Variants in ZNF813 observed in about 807,000 individuals in gnomAD.
ZNF813 encodes zinc finger protein 813.
A neutral mutation model predicts 7.2 loss-of-function variants in ZNF813; 3 were observed. The ratio of observed to expected loss-of-function variants is 0.42; its 90% CI spans 0.19 to 1.08. ZNF813 has a LOEUF of 1.08. Among genes scored for constraint, ZNF813 ranks in the 50% least tolerant of loss-of-function variants. The pLI, the probability that ZNF813 is intolerant of heterozygous loss-of-function variation, is 0.30. For synonymous variants in ZNF813, 227 were observed against 256.3 expected, an observed-to-expected ratio of 0.89 and a Z score of 1.09; for missense variants, 714 against 753.3, an observed-to-expected ratio of 0.95 and a Z score of 0.61.
At chr19:53,479,968 A>G (rs2086399739) in intron 1 of ZNF813, 7 of 765,844 alleles carry the variant, frequency 9.1e-6, no homozygotes, top group Non-Finnish European at 1.7e-5. Context: ...TGGCTGAGAG[A>G]TCAGTAGCCA....
At chr19:53,483,577 C>T (rs1428328923) in intron 1 of ZNF813, among the ~76,000 whole-genome samples, 173 bp from the exon 2 acceptor site, 1 of 152,130 alleles carries the variant, frequency 6.6e-6, no homozygotes, top group Non-Finnish European at 1.5e-5. Context: ...TGTGTGTGGG[C>T]TTCTCCGGGA....
chr19:53,487,972 A>T (rs1000450580), intron 3 of ZNF813, among the ~76,000 whole-genome samples: 1 of 152,108 alleles, frequency 6.6e-6, no homozygotes, highest in Non-Finnish European at 1.5e-5. Context: ...TATGAAGAAA[A>T]GGTACACTTA....
intron 1 of ZNF813, among the ~76,000 whole-genome samples, chr19:53,482,341 G>C (rs1451750212): frequency 1.3e-5 from 2 of 152,164 alleles, no homozygotes; most frequent in Non-Finnish European, 2.9e-5. Flanking sequence ...CCCTCCACCA[G>C]CTTCCCGTGT....
intron 1 of ZNF813, among the ~76,000 whole-genome samples, chr19:53,469,753 G>A (rs571938689): frequency 2.7e-5 from 4 of 150,226 alleles, no homozygotes; most frequent in Admixed American, 6.7e-5. Context: ...AGAGGGAGAA[G>A]CACAGCAGGG....
At chr19:53,485,955 A>G (rs891354080) in intron 2 of ZNF813, among the ~76,000 whole-genome samples, 3 of 152,020 alleles carry the variant, frequency 2.0e-5, no homozygotes, top group East Asian at 1.9e-4. Context: ...CCGGAGTGCA[A>G]TGGTGCGATT....
At chr19:53,485,597 A>G (rs575076510) in intron 2 of ZNF813, among the ~76,000 whole-genome samples, 5 of 149,160 alleles carry the variant, frequency 3.4e-5, no homozygotes, top group South Asian at 2.1e-4. Flanking sequence ...TATGTATGTC[A>G]TGATATATAT....
Position 53,490,540 on chromosome 19 carries a change from A to T in ZNF813, c.308A>T (p.Glu103Val). The change falls in exon 4 of 4, where the codon GAA becomes GTA. Residue 103 changes from glutamate to valine, a missense_variant. By Grantham distance (121) the Glu-to-Val change is moderately radical. Coordinates refer to ENST00000396403, the MANE Select transcript of ZNF813 (RefSeq NM_001004301.4). ...CATAACTTAGAGTTTCAGTGGCAAG[A>T]AGATGAAAGAAATAGCCATGAAGCA... ...DIHNLEFQWQ[E>V]DERNSHEAPM... is the part of the protein sequence containing the mutation. 1 of 1,614,204 alleles carries T rather than the reference A, an allele frequency of 6.2e-7. No homozygotes were observed.
Position 53,493,744 on chromosome 19 carries a change from T to C in ZNF813, c.*1658T>C, listed in dbSNP as rs1206832776. The C allele has an allele frequency of 1.3e-5, 2 of 152,220 alleles. No individual in the cohort carries two copies. Among genetic ancestry groups the C allele is most frequent in the Non-Finnish European group, 2.9e-5 (2 of 68,034 alleles). 9.4% of individuals were successfully genotyped at this position (152,220 alleles called of 1,614,324 possible). On this transcript the variant is annotated 3_prime_UTR_variant, in exon 4 of 4. Transcript: ENST00000396403. The stretch of plus-strand genomic sequence containing the variant: ...AGATCATGTCATCTACAAACACATA[T>C]AATTTTACTTCTTTCTTTCTGATTT...
intron 1 of ZNF813, among the ~76,000 whole-genome samples, chr19:53,476,692 C>T (rs938740761): frequency 7.2e-5 from 11 of 151,778 alleles, no homozygotes; most frequent in African/African-American, 1.5e-4. Flanking sequence ...CTCACTCTGT[C>T]GCCGACGCTT....
chr19:53,482,724 T>C (rs200144597), intron 1 of ZNF813, among the ~76,000 whole-genome samples: 1 of 127,408 alleles, frequency 7.8e-6, no homozygotes, highest in Non-Finnish European at 1.6e-5. Context: ...TTTTTTTTTT[T>C]TTTTTTTTTT....
At chr19:53,479,773 A>T in intron 1 of ZNF813, 1 of 1,282,802 alleles carries the variant, frequency 7.8e-7, no homozygotes, top group Non-Finnish European at 1.1e-6. Context: ...TGGAATGCAC[A>T]GAAGAATGAG....
At chr19:53,470,875 A>G (rs140138857) in intron 1 of ZNF813, among the ~76,000 whole-genome samples, 2,172 of 151,922 alleles carry the variant, frequency 0.014, 44 homozygotes, top group African/African-American at 0.05. Context: ...GGCATTTCTC[A>G]TTTTTGTGGC....
At position 53,494,809 on chromosome 19, in the gene ZNF813, G is replaced by A. The variant is rs1250979763; in HGVS notation, c.*2723G>A. On this transcript the variant is annotated 3_prime_UTR_variant, in exon 4 of 4. Transcript: ENST00000396403. ...AGGCCAAGACAGGTGGGTCATGTAA[G>A]CCCAGGTATTCAAGACAAGCCTGGG... is the stretch of plus-strand genomic sequence containing the variant. 1.3e-5 allele frequency: 2 copies of A among 152,202 alleles called. No homozygotes were observed. Among genetic ancestry groups the A allele is most frequent in the Non-Finnish European group, 2.9e-5 (2 of 68,068 alleles). 9.4% of individuals were successfully genotyped at this position (152,202 alleles called of 1,614,324 possible). A position where few individuals can be genotyped will look rare whatever the true frequency, so the allele number is the denominator to read the frequency against.
intron 1 of ZNF813, among the ~76,000 whole-genome samples, chr19:53,474,030 A>G (rs971967410): frequency 2.0e-5 from 3 of 152,152 alleles, no homozygotes; most frequent in African/African-American, 4.8e-5. Flanking sequence ...TTTTATTTTT[A>G]GCAGTCTTGT....
At chr19:53,469,972 CAA>C (rs2086348932) in intron 1 of ZNF813, among the ~76,000 whole-genome samples, 1 of 120,216 alleles carries the variant, frequency 8.3e-6, no homozygotes, top group African/African-American at 2.7e-5. Flanking sequence ...AGCATTTCAA[CAA>C]AGAGTGGGGT....
intron 1 of ZNF813, among the ~76,000 whole-genome samples, chr19:53,477,437 G>A (rs1167035017): frequency 2.2e-5 from 2 of 89,678 alleles, no homozygotes; most frequent in Non-Finnish European, 5.3e-5. Flanking sequence ...ACCCACGTGG[G>A]TTGTCCTCAG....
intron 3 of ZNF813, among the ~76,000 whole-genome samples, chr19:53,489,798 A>G (rs1453519708): frequency 6.6e-6 from 1 of 152,050 alleles, no homozygotes; most frequent in African/African-American, 2.4e-5. Context: ...TCTTGGGTTC[A>G]AGCGATTCTT....
intron 1 of ZNF813, among the ~76,000 whole-genome samples, chr19:53,476,113 A>C (rs563283271): frequency 6.6e-6 from 1 of 152,258 alleles, no homozygotes; most frequent in South Asian, 2.1e-4. Context: ...GTGGCTCACT[A>C]TGACACCTAG....
At chr19:53,484,856 G>A (rs903021427) in intron 2 of ZNF813, among the ~76,000 whole-genome samples, 4 of 152,324 alleles carry the variant, frequency 2.6e-5, no homozygotes, top group South Asian at 4.1e-4. Context: ...GCGAGGCACC[G>A]TGCCCAGCCC....
Sources: gnomAD v4.1 joint callset for allele counts (sites outside exome capture counted in the v4.1 genomes callset) on GRCh38, gnomAD v4.1.1 for gene constraint, MANE v1.5 for transcripts, NCBI Gene and HGNC (gene_info 2026-07-23, HGNC 2026-07-21) for gene names.